MYLK: variants seen among roughly 807,000 people sequenced by gnomAD.
MYLK encodes myosin light chain kinase, smooth muscle.
Under a neutral mutation model 203.4 loss-of-function variants are expected in MYLK, and 106 were observed. That is an observed-to-expected ratio of 0.52 (90% CI 0.45 to 0.61). MYLK has a LOEUF of 0.61. MYLK is among the 20% of genes least tolerant of loss of function. The probability of loss-of-function intolerance (pLI) is 0.00; values close to 1 mark genes in which losing one functional copy is unlikely to be tolerated. For missense variants in MYLK, 2,072 were observed against 2,442.3 expected (o/e 0.85, Z 3.20); for synonymous variants, 867 against 959.5 (o/e 0.90, Z 1.78).
chr3:123,782,443 C>T (rs1340089078), intron 4 of MYLK, among the ~76,000 whole-genome samples: 2 of 152,210 alleles, frequency 1.3e-5, no homozygotes, highest in African/African-American at 4.8e-5. Flanking sequence ...GCTCAACTCA[C>T]ATTGGTCATT....
chr3:123,862,933 C>A (rs572769294), intron 2 of MYLK, among the ~76,000 whole-genome samples: 55 of 152,298 alleles, frequency 3.6e-4, no homozygotes, highest in African/African-American at 1.3e-3. Flanking sequence ...CCTACCAGGG[C>A]TTTACACTGA....
intron 33 of MYLK, 28 bp downstream of exon 33, chr3:123,618,611 G>A (rs779494672): frequency 3.7e-6 from 6 of 1,613,216 alleles, no homozygotes; most frequent in Admixed American, 1.7e-5. Context: ...CCCTATTCAT[G>A]GTGAAGAGAA....
intron 13 of MYLK, among the ~76,000 whole-genome samples, chr3:123,710,540 C>T (rs1020506398): frequency 6.6e-6 from 1 of 152,164 alleles, no homozygotes; most frequent in African/African-American, 2.4e-5. Context: ...AGACACTACA[C>T]TCATTAGAAT....
chr3:123,725,945 A>G lies in MYLK; in HGVS notation c.1650T>C (p.Asn550=). The G allele has an allele frequency of 1.9e-6, 3 of 1,613,784 alleles. No homozygotes were observed. Among genetic ancestry groups the G allele is most frequent in the South Asian group, 2.2e-5 (2 of 91,030 alleles). ...AGAGCTGGGGCAGGGGGAACTCACC[A>G]TTCAGCAGCCAAGTGATCCGGGGCA... is the stretch of plus-strand genomic sequence containing the variant. The part of the protein sequence containing the change: ...TPVPRITWLL[N]GQPIQYARST... The change falls in exon 12 of 34, where the codon AAT becomes AAC. Residue 550 remains asparagine, a splice_region_variant and synonymous_variant. Coordinates refer to ENST00000360304, the MANE Select transcript of MYLK (RefSeq NM_053025.4).
chr3:123,736,863 T>C (rs1000483905), intron 8 of MYLK, among the ~76,000 whole-genome samples: 14 of 152,024 alleles, frequency 9.2e-5, no homozygotes, highest in Admixed American at 8.5e-4. Context: ...CAAGGGAAGG[T>C]GGCAGCCAAG....
Position 123,713,224 on chromosome 3 carries a change from T to C in MYLK, c.1805-3331A>G, listed in dbSNP as rs546664809. Among the ~76,000 whole-genome samples the C allele has an allele frequency of 3.9e-5, 6 of 152,094 alleles. No individual in the cohort carries two copies. In the East Asian group the frequency reaches 1.2e-3, roughly 29 times the overall value. ...AAGAAAGAAGGGAAGATGGAAATGA[T>C]TGGGAGTGAATGTTCAGAACGAGCC... On this transcript the variant is annotated intron_variant, in intron 13 of 33. Transcript: ENST00000360304.
intron 21 of MYLK, 131 bp from the exon 22 acceptor site, chr3:123,666,477 G>C (rs986502230): frequency 7.1e-6 from 9 of 1,276,160 alleles, no homozygotes; most frequent in Non-Finnish European, 9.9e-6. Flanking sequence ...TAAGACTGAG[G>C]GGCAGTGATC....
intron 29 of MYLK, among the ~76,000 whole-genome samples, chr3:123,634,715 G>A (rs551875966): frequency 1.1e-4 from 17 of 152,158 alleles, no homozygotes; most frequent in African/African-American, 3.6e-4. Context: ...GGAAGGGCTC[G>A]GAGAAGAGCT....
In MYLK at chr3:123,737,264, G is replaced by A. The variant is rs80053890; in HGVS notation, c.754+114C>T. On this transcript the variant is annotated intron_variant, in intron 8 of 33. Transcript: ENST00000360304. ...ACCTGCCCCTGGGGAGTGCCTGGGT[G>A]TGTGAGTGGGCCAGGTGTATACACA... 1.6e-3 allele frequency: 2,039 copies of A among 1,293,876 alleles called. 32 individuals carry two copies. In the African/African-American group the frequency reaches 0.027, roughly 17 times the overall value. 80.1% of individuals were successfully genotyped at this position (1,293,876 alleles called of 1,614,324 possible). A position where few individuals can be genotyped will look rare whatever the true frequency, so the allele number is the denominator to read the frequency against.
At chr3:123,836,011 C>T (rs1378414395) in intron 2 of MYLK, 1 of 152,200 alleles carries the variant, frequency 6.6e-6, no homozygotes, top group Admixed American at 6.5e-5. Flanking sequence ...TTAGATTATA[C>T]CCTTTTTGCC....
At chr3:123,729,727 C>A in intron 11 of MYLK, among the ~76,000 whole-genome samples, 1 of 149,760 alleles carries the variant, frequency 6.7e-6, no homozygotes. Flanking sequence ...CAAAAATAAA[C>A]AAAATTAGCT....
chr3:123,838,690 T>C lies in MYLK; in HGVS notation c.-126-7020A>G, dbSNP rs554316253. ...TTTTTATACCATACGTGAAGTGATA[T>C]AATTGGAAGGTAGACTGTGATGAAA... On this transcript the variant is annotated intron_variant, in intron 2 of 33. Transcript: ENST00000360304. Among the ~76,000 whole-genome samples, 31 of 152,252 alleles carry C rather than the reference T, an allele frequency of 2.0e-4. No homozygotes were observed. The South Asian group carries it at 6.2e-3, about 30-fold the overall frequency.
At chr3:123,763,254 A>T (rs1299823060) in intron 4 of MYLK, among the ~76,000 whole-genome samples, 1 of 152,244 alleles carries the variant, frequency 6.6e-6, no homozygotes, top group Admixed American at 6.5e-5. Context: ...AATGCATCAG[A>T]TAACTCATCA....
intron 2 of MYLK, among the ~76,000 whole-genome samples, chr3:123,838,561 T>C (rs915302163): frequency 6.6e-6 from 1 of 152,142 alleles, no homozygotes; most frequent in Non-Finnish European, 1.5e-5. Flanking sequence ...AAAGTAAAAA[T>C]AGTAGTAATG....
chr3:123,814,016 A>C (rs2065654485), intron 3 of MYLK: 2 of 181,004 alleles, frequency 1.1e-5, no homozygotes, highest in Non-Finnish European at 2.4e-5. Context: ...CCTCTACCCT[A>C]ATCACTCCCA....
intron 13 of MYLK, among the ~76,000 whole-genome samples, chr3:123,711,317 T>G (rs534943491): frequency 2.2e-4 from 33 of 152,246 alleles, no homozygotes; most frequent in African/African-American, 6.3e-4. Flanking sequence ...ATGTCAAAAC[T>G]TATCAAACTG....
At chr3:123,722,456 G>C (rs1402520392) in intron 12 of MYLK, among the ~76,000 whole-genome samples, 176 bp from the exon 13 acceptor site, 1 of 152,230 alleles carries the variant, frequency 6.6e-6, no homozygotes, top group Non-Finnish European at 1.5e-5. Context: ...GAGGCTTATG[G>C]GCTGGAGAAA....
At chr3:123,867,672 G>A (rs1160317930) in intron 2 of MYLK, among the ~76,000 whole-genome samples, 1 of 152,186 alleles carries the variant, frequency 6.6e-6, no homozygotes, top group Non-Finnish European at 1.5e-5. Flanking sequence ...TTGAACCCCT[G>A]ATTTCAGACT....
At chr3:123,639,108 G>A in intron 28 of MYLK, 1 of 972,548 alleles carries the variant, frequency 1.0e-6, no homozygotes, top group African/African-American at 1.8e-5. Context: ...GTGTTCCCTG[G>A]GCTCTGACAC....
Sources: allele counts gnomAD v4.1 joint callset (sites outside exome capture counted in the v4.1 genomes callset), GRCh38; gene constraint gnomAD v4.1.1; transcripts MANE v1.5; gene names NCBI Gene and HGNC (gene_info 2026-07-23, HGNC 2026-07-21).